Variants in ARHGAP44 observed in about 807,000 individuals in gnomAD.
ARHGAP44 encodes Rho GTPase activating protein 44.
In ARHGAP44, 43 loss-of-function variants were observed where a neutral mutation model predicts 106.8. The observed-to-expected ratio is 0.40, with a 90% CI of 0.32 to 0.52. The LOEUF is 0.52. Ranked by LOEUF, ARHGAP44 falls within the 20% of genes least tolerant of loss-of-function variation. ARHGAP44 has a pLI of 0.48. For synonymous variants in ARHGAP44, 439 were observed against 410.3 expected (o/e 1.07, Z -0.85); for missense variants, 866 against 1,050.5 (o/e 0.82, Z 2.43).
At chr17:12,942,670 G>A (rs12942448) in intron 8 of ARHGAP44, among the ~76,000 whole-genome samples, 37,344 of 152,006 alleles carry the variant, frequency 0.25, 4,944 homozygotes, top group East Asian at 0.54. Context: ...TTTTACTTAG[G>A]GATATTAGTG....
intron 1 of ARHGAP44, among the ~76,000 whole-genome samples, chr17:12,887,075 C>T (rs1331042217): frequency 6.7e-6 from 1 of 148,822 alleles, no homozygotes; most frequent in Non-Finnish European, 1.5e-5. Context: ...TCTTTTAATA[C>T]AGTGAGTGGA....
chr17:12,991,172 C>T lies in ARHGAP44; in HGVS notation c.*1001C>T, dbSNP rs1276909268. ...CGCTCATTTCCTTCTCATGAAGTCCCATCTGGTCATGGGGACGAGGGCCGG... is the reference window on the plus strand; with the variant it reads ...CGCTCATTTCCTTCTCATGAAGTCCTATCTGGTCATGGGGACGAGGGCCGG... On this transcript the variant is annotated 3_prime_UTR_variant, in exon 21 of 21. Transcript: ENST00000379672. 1 of 152,628 alleles carries T rather than the reference C, an allele frequency of 6.6e-6. No individual in the cohort carries two copies. Among genetic ancestry groups the T allele is most frequent in the Non-Finnish European group, 1.5e-5 (1 of 68,052 alleles). The allele number at this position is 152,628 out of a possible 1,614,324, so 9.5% of individuals were successfully genotyped here.
intron 8 of ARHGAP44, among the ~76,000 whole-genome samples, chr17:12,942,616 C>A (rs940745407): frequency 6.6e-6 from 1 of 152,136 alleles, no homozygotes; most frequent in Non-Finnish European, 1.5e-5. Context: ...CCATTTATTT[C>A]AATATTCTGA....
At chr17:12,935,569 C>CAA (rs11364751) in intron 7 of ARHGAP44, among the ~76,000 whole-genome samples, 14 of 125,838 alleles carry the variant, frequency 1.1e-4, no homozygotes, top group African/African-American at 3.3e-4. Flanking sequence ...GACTCCATCT[C>CAA]AAAAAAAAAA....
intron 10 of ARHGAP44, 89 bp downstream of exon 10, chr17:12,944,285 CCACTCCGG>C (rs2038789444): frequency 2.8e-6 from 4 of 1,423,336 alleles, no homozygotes; most frequent in Non-Finnish European, 3.7e-6. Context: ...TGTACCATCT[CCACTCCGG>C]CCCCCACGAA....
intron 20 of ARHGAP44, among the ~76,000 whole-genome samples, chr17:12,989,767 C>G (rs1054693381): frequency 6.6e-6 from 1 of 152,184 alleles, no homozygotes; most frequent in Non-Finnish European, 1.5e-5. Context: ...TGTGGCTTGG[C>G]AGGGGAGTGC....
rs1275983161 is a variant in ARHGAP44, at chr17:12,935,732, G to A, written c.583-5324G>A. Among the ~76,000 whole-genome samples, 4 of 152,248 alleles carry A rather than the reference G, an allele frequency of 2.6e-5. No homozygotes were observed. The South Asian group carries it at 8.3e-4, about 32-fold the overall frequency. The stretch of plus-strand genomic sequence containing the variant: ...ATGGAATCGATTTTAGTAAACAACA[G>A]AATTGACACTGCAGAAAGGTGAGCC... On this transcript the variant is annotated intron_variant, in intron 7 of 20. Coordinates refer to ENST00000379672, the MANE Select transcript of ARHGAP44 (RefSeq NM_014859.6).
chr17:12,813,466 T>C (rs1412994424), intron 1 of ARHGAP44, among the ~76,000 whole-genome samples: 2 of 152,162 alleles, frequency 1.3e-5, no homozygotes, highest in Non-Finnish European at 2.9e-5. Flanking sequence ...TTATATGTAA[T>C]GTAGGGTGCA....
At chr17:12,830,639 G>A (rs751473901) in intron 1 of ARHGAP44, among the ~76,000 whole-genome samples, 1 of 152,280 alleles carries the variant, frequency 6.6e-6, no homozygotes, top group Non-Finnish European at 1.5e-5. Flanking sequence ...ATTTTATCCT[G>A]GAGAGTTAAG....
intron 14 of ARHGAP44, among the ~76,000 whole-genome samples, chr17:12,956,373 TGAGAATCACAGGGACGGGAGGGAG>T (rs1470311072): frequency 6.6e-6 from 1 of 152,082 alleles, no homozygotes; most frequent in African/African-American, 2.4e-5. Context: ...GGAAAGAGGA[TGAGAATCACAGGGACGGGAGGGAG>T]GAGAATCACA....
intron 1 of ARHGAP44, among the ~76,000 whole-genome samples, chr17:12,852,388 G>T (rs1487249031): frequency 2.1e-5 from 3 of 143,548 alleles, no homozygotes; most frequent in Admixed American, 6.9e-5. Flanking sequence ...CCTTTGTTTG[G>T]TTTTTCTTGA....
At chr17:12,887,177 A>G (rs1183224865) in intron 1 of ARHGAP44, among the ~76,000 whole-genome samples, 1 of 152,158 alleles carries the variant, frequency 6.6e-6, no homozygotes, top group Non-Finnish European at 1.5e-5. Flanking sequence ...AATTAGTCAT[A>G]CATAATGAAA....
intron 1 of ARHGAP44, among the ~76,000 whole-genome samples, chr17:12,830,633 TA>T (rs112463799): frequency 6.6e-6 from 1 of 152,354 alleles, no homozygotes; most frequent in African/African-American, 2.4e-5. Flanking sequence ...CAAGTCATTT[TA>T]TCCTGGAGAG....
chr17:12,790,216 G>C, intron 1 of ARHGAP44: 1 of 341,304 alleles, frequency 2.9e-6, no homozygotes, highest in South Asian at 4.4e-5. Context: ...CTGGCCGCCT[G>C]TCTTCCTGGA....
intron 1 of ARHGAP44, among the ~76,000 whole-genome samples, chr17:12,830,550 T>A (rs551052518): frequency 6.6e-5 from 10 of 152,274 alleles, no homozygotes; most frequent in African/African-American, 2.4e-4. Context: ...CCTGGTAATA[T>A]GAGGAATCAG....
At chr17:12,882,723 G>A (rs903648165) in intron 1 of ARHGAP44, among the ~76,000 whole-genome samples, 2 of 152,050 alleles carry the variant, frequency 1.3e-5, no homozygotes, top group African/African-American at 4.8e-5. Context: ...TTGTGCATGT[G>A]ATGAATTATA....
chr17:12,913,248 T>C (rs978209445), intron 4 of ARHGAP44, among the ~76,000 whole-genome samples: 2 of 152,218 alleles, frequency 1.3e-5, no homozygotes, highest in Non-Finnish European at 2.9e-5. Flanking sequence ...AATTTTTTTT[T>C]AATCAAGTTA....
At chr17:12,882,331 CAA>C (rs1405277327) in intron 1 of ARHGAP44, among the ~76,000 whole-genome samples, 2 of 151,984 alleles carry the variant, frequency 1.3e-5, no homozygotes, top group African/African-American at 4.8e-5. Flanking sequence ...CCATCTTTCT[CAA>C]GTTTTATTAT....
At chr17:12,832,473 C>T (rs2035118970) in intron 1 of ARHGAP44, among the ~76,000 whole-genome samples, 1 of 152,038 alleles carries the variant, frequency 6.6e-6, no homozygotes, top group African/African-American at 2.4e-5. Flanking sequence ...GATCCTGTGG[C>T]CTCTTAGCTT....
Sources: gnomAD v4.1 joint callset for allele counts (sites outside exome capture counted in the v4.1 genomes callset) on GRCh38, gnomAD v4.1.1 for gene constraint, MANE v1.5 for transcripts, NCBI Gene and HGNC (gene_info 2026-07-23, HGNC 2026-07-21) for gene names.